CPQ: variants seen among roughly 807,000 people sequenced by gnomAD.
CPQ encodes carboxypeptidase Q.
In CPQ, 37 loss-of-function variants were observed where a neutral mutation model predicts 45.7. The observed-to-expected ratio is 0.81, with a 90% CI of 0.62 to 1.07. The LOEUF is 1.07. Ranked by LOEUF, CPQ falls within the 50% of genes least tolerant of loss-of-function variation. The probability of loss-of-function intolerance (pLI) is 0.00; values close to 1 mark genes in which losing one functional copy is unlikely to be tolerated. For missense variants in CPQ, 537 were observed against 572.9 expected (o/e 0.94, Z 0.64); for synonymous variants, 186 against 205.8 (o/e 0.90, Z 0.82).
At chr8:97,038,030 TC>T (rs1253519972) in intron 6 of CPQ, among the ~76,000 whole-genome samples, 1 of 152,222 alleles carries the variant, frequency 6.6e-6, no homozygotes, top group Non-Finnish European at 1.5e-5. Context: ...TTTTCATGTT[TC>T]TGGGAGAGCA....
intron 4 of CPQ, among the ~76,000 whole-genome samples, chr8:96,957,054 T>C (rs377517864): frequency 8.5e-5 from 13 of 152,230 alleles, no homozygotes; most frequent in African/African-American, 3.1e-4. Flanking sequence ...CTTTTAGGGA[T>C]GTCTGTAACA....
At chr8:97,127,207 T>C (rs192825970) in intron 7 of CPQ, among the ~76,000 whole-genome samples, 2 of 152,052 alleles carry the variant, frequency 1.3e-5, no homozygotes, top group African/African-American at 2.4e-5. Context: ...AAGATATCAT[T>C]AAGAAAATGA....
At chr8:96,920,585 TC>T (rs963904040) in intron 4 of CPQ, among the ~76,000 whole-genome samples, 3 of 152,118 alleles carry the variant, frequency 2.0e-5, no homozygotes, top group African/African-American at 7.2e-5. Flanking sequence ...ATTCTGTTCC[TC>T]CCCAAATTCA....
At chr8:97,052,396 C>T (rs529914155) in intron 6 of CPQ, among the ~76,000 whole-genome samples, 12 of 152,102 alleles carry the variant, frequency 7.9e-5, no homozygotes, top group South Asian at 4.1e-4. Flanking sequence ...ATATGTGAAG[C>T]GATTGTTAAA....
At chr8:97,027,453 C>T (rs1486720773) in intron 5 of CPQ, among the ~76,000 whole-genome samples, 1 of 152,144 alleles carries the variant, frequency 6.6e-6, no homozygotes. Flanking sequence ...GGTTGTCTTA[C>T]ATGTGTTATC....
chr8:96,928,063 G>A (rs1262881659), intron 4 of CPQ, among the ~76,000 whole-genome samples: 3 of 152,146 alleles, frequency 2.0e-5, no homozygotes, highest in Non-Finnish European at 4.4e-5. Flanking sequence ...AGCAGGTCCC[G>A]TACAGCTGAA....
At chr8:96,976,878 C>A (rs1813799524) in intron 5 of CPQ, among the ~76,000 whole-genome samples, 1 of 152,082 alleles carries the variant, frequency 6.6e-6, no homozygotes, top group South Asian at 2.1e-4. Flanking sequence ...AAATCTAAGA[C>A]CTGAAACCAC....
intron 2 of CPQ, among the ~76,000 whole-genome samples, chr8:96,793,430 G>C (rs895957950): frequency 3.3e-5 from 5 of 151,912 alleles, no homozygotes. Context: ...ATGAGATCTT[G>C]TGAGACTTAT....
intron 1 of CPQ, among the ~76,000 whole-genome samples, chr8:96,730,873 A>ATGTATATGTATG (rs1809904198): frequency 8.3e-6 from 1 of 120,510 alleles, no homozygotes; most frequent in Non-Finnish European, 1.8e-5. Flanking sequence ...ATACATATAT[A>ATGTATATGTATG]TATATATATA....
intron 2 of CPQ, among the ~76,000 whole-genome samples, chr8:96,794,174 C>T (rs546827252): frequency 6.6e-6 from 1 of 152,292 alleles, no homozygotes; most frequent in South Asian, 2.1e-4. Context: ...GGGAGGTTCT[C>T]CATGAGAGCA....
At chr8:96,816,709 G>T (rs1180688518) in intron 2 of CPQ, among the ~76,000 whole-genome samples, 1 of 152,124 alleles carries the variant, frequency 6.6e-6, no homozygotes, top group Non-Finnish European at 1.5e-5. Context: ...ATTGGATGTT[G>T]TATTAGCAGG....
chr8:96,922,262 C>T (rs947207745), intron 4 of CPQ, among the ~76,000 whole-genome samples: 1 of 152,110 alleles, frequency 6.6e-6, no homozygotes, highest in Non-Finnish European at 1.5e-5. Flanking sequence ...CAACTCATTC[C>T]TCCCAACCAT....
At chr8:96,755,415 ATTAAT>A (rs1810316046) in intron 1 of CPQ, among the ~76,000 whole-genome samples, 1 of 151,816 alleles carries the variant, frequency 6.6e-6, no homozygotes. Context: ...AGAATTTGCT[ATTAAT>A]TTAAATTTCT....
At chr8:96,902,852 G>A (rs1011068972) in intron 4 of CPQ, among the ~76,000 whole-genome samples, 4 of 152,182 alleles carry the variant, frequency 2.6e-5, no homozygotes, top group Non-Finnish European at 4.4e-5. Context: ...CAATGGACAG[G>A]AGGGAAGTGG....
At chr8:96,719,789 A>G (rs1809737937) in intron 1 of CPQ, among the ~76,000 whole-genome samples, 1 of 152,110 alleles carries the variant, frequency 6.6e-6, no homozygotes, top group African/African-American at 2.4e-5. Flanking sequence ...TCTTTCTCAT[A>G]TACTCCCTAC....
chr8:96,923,469 C>T (rs1812835160), intron 4 of CPQ, among the ~76,000 whole-genome samples: 1 of 152,050 alleles, frequency 6.6e-6, no homozygotes, highest in Admixed American at 6.6e-5. Context: ...TCTTTTTCCC[C>T]TCTCAAATGT....
At chr8:97,103,659 T>C (rs989464520) in intron 7 of CPQ, among the ~76,000 whole-genome samples, 1 of 152,120 alleles carries the variant, frequency 6.6e-6, no homozygotes, top group African/African-American at 2.4e-5. Context: ...AGATTTGAGG[T>C]AGGACTTTAT....
intron 5 of CPQ, among the ~76,000 whole-genome samples, chr8:97,018,743 A>G (rs958702072): frequency 1.3e-5 from 2 of 152,202 alleles, no homozygotes; most frequent in Non-Finnish European, 2.9e-5. Flanking sequence ...ATGTTAAACT[A>G]CAAAACCTAA....
intron 7 of CPQ, among the ~76,000 whole-genome samples, chr8:97,116,674 G>A (rs1458116601): frequency 5.3e-5 from 8 of 152,150 alleles, no homozygotes; most frequent in Non-Finnish European, 7.3e-5. Context: ...ATGAAACCCC[G>A]TGGCAGGAAC....
Sources: gnomAD v4.1 joint callset for allele counts (sites outside exome capture counted in the v4.1 genomes callset) on GRCh38, gnomAD v4.1.1 for gene constraint, MANE v1.5 for transcripts, NCBI Gene and HGNC (gene_info 2026-07-23, HGNC 2026-07-21) for gene names.